Variants in GRID2 observed in about 807,000 individuals in gnomAD.
GRID2 encodes the protein glutamate ionotropic receptor delta type subunit 2, also known as glutamate receptor ionotropic, delta-2.
GRID2 carries 33 observed loss-of-function variants against 114.8 expected under a neutral mutation model. That is an observed-to-expected ratio of 0.29 (90% CI 0.22 to 0.38). The LOEUF (loss-of-function observed/expected upper bound fraction) is 0.38, where lower values mean the gene tolerates loss of function less well. Ranked by LOEUF, GRID2 falls within the 10% of genes least tolerant of loss-of-function variation. GRID2 has a pLI of 1.00. For synonymous variants in GRID2, 505 were observed against 449.9 expected, an observed-to-expected ratio of 1.12 and a Z score of -1.55; for missense variants, 1,184 against 1,257.7, an observed-to-expected ratio of 0.94 and a Z score of 0.89.
At chr4:93,316,517 G>A (rs1259033697) in intron 8 of GRID2, among the ~76,000 whole-genome samples, 3 of 152,114 alleles carry the variant, frequency 2.0e-5, no homozygotes, top group African/African-American at 7.2e-5. Context: ...CCAAACAGGA[G>A]GTTCATTTTA....
intron 2 of GRID2, among the ~76,000 whole-genome samples, chr4:92,623,757 G>A (rs1032719192): frequency 6.6e-6 from 1 of 151,762 alleles, no homozygotes; most frequent in African/African-American, 2.4e-5. Flanking sequence ...TTCTGTTTAT[G>A]TGAAAGGCAG....
intron 1 of GRID2, among the ~76,000 whole-genome samples, chr4:92,387,775 A>C (rs1293398733): frequency 1.3e-5 from 2 of 152,026 alleles, no homozygotes; most frequent in Non-Finnish European, 2.9e-5. Flanking sequence ...GCCTTCCTAA[A>C]ATTTCTTGTT....
intron 2 of GRID2, among the ~76,000 whole-genome samples, chr4:93,057,418 C>G (rs535696135): frequency 1.3e-5 from 2 of 151,916 alleles, no homozygotes; most frequent in Admixed American, 1.3e-4. Flanking sequence ...TTCCAGAATT[C>G]TTTGAATTTT....
chr4:93,577,185 C>G (rs1736505876), intron 13 of GRID2, among the ~76,000 whole-genome samples: 1 of 152,072 alleles, frequency 6.6e-6, no homozygotes, highest in African/African-American at 2.4e-5. Flanking sequence ...CCTCAAATAT[C>G]TTAAAGCCCA....
At chr4:93,233,285 T>G (rs2149504379) in intron 7 of GRID2, among the ~76,000 whole-genome samples, 1 of 152,118 alleles carries the variant, frequency 6.6e-6, no homozygotes. Context: ...TTTCCAAATT[T>G]TATTCAAGGA....
At chr4:93,472,697 T>A (rs993324364) in intron 11 of GRID2, among the ~76,000 whole-genome samples, 2 of 152,134 alleles carry the variant, frequency 1.3e-5, no homozygotes, top group Non-Finnish European at 2.9e-5. Context: ...ATTGCAGACA[T>A]GCTCAGGTAG....
intron 4 of GRID2, among the ~76,000 whole-genome samples, chr4:93,160,969 CA>C (rs1246315381): frequency 1.3e-5 from 2 of 151,652 alleles, no homozygotes; most frequent in East Asian, 3.9e-4. Flanking sequence ...ATAAAATGTC[CA>C]GTTGCAAAAC....
In GRID2 at chr4:93,694,970, G is replaced by C. The variant is rs112043354; in HGVS notation, c.2360+68535G>C. ...GCGGATTGCCTGAGCTCAGGAGTTC[G>C]AGACCAGCCTGGGCAACACAGTGAA... On this transcript the variant is annotated intron_variant, in intron 14 of 15. Transcript: ENST00000282020. Among the ~76,000 whole-genome samples the C allele has an allele frequency of 2.0e-5, 3 of 152,146 alleles. No homozygotes were observed. The South Asian group carries it at 6.2e-4, about 32-fold the overall frequency.
At chr4:92,996,420 G>T (rs1755203398) in intron 2 of GRID2, among the ~76,000 whole-genome samples, 1 of 152,168 alleles carries the variant, frequency 6.6e-6, no homozygotes, top group South Asian at 2.1e-4. Context: ...TCACGTGTGT[G>T]TATATGCATG....
intron 2 of GRID2, among the ~76,000 whole-genome samples, chr4:92,738,364 G>T (rs1360409371): frequency 6.6e-6 from 1 of 151,842 alleles, no homozygotes; most frequent in African/African-American, 2.4e-5. Flanking sequence ...TAGCTTATTC[G>T]CCCCAGAAAA....
intron 1 of GRID2, among the ~76,000 whole-genome samples, chr4:92,576,239 G>C (rs572429642): frequency 2.0e-5 from 3 of 152,336 alleles, no homozygotes; most frequent in South Asian, 2.1e-4. Flanking sequence ...CTCCAGCCAT[G>C]TTCTGGCAAA....
At chr4:93,698,025 TA>T (rs150165791) in intron 14 of GRID2, among the ~76,000 whole-genome samples, 650 of 151,994 alleles carry the variant, frequency 4.3e-3, no homozygotes, top group Non-Finnish European at 7.2e-3. Context: ...GTTTACGGGA[TA>T]TTTTTGGTAA....
chr4:92,760,242 A>G (rs1172003779), intron 2 of GRID2, among the ~76,000 whole-genome samples: 1 of 150,080 alleles, frequency 6.7e-6, no homozygotes, highest in African/African-American at 2.4e-5. Flanking sequence ...TGTCTCAAAA[A>G]AAAAAAAAAA....
At chr4:92,868,066 TTCTGTCTGTCTG>T (rs1194588659) in intron 2 of GRID2, among the ~76,000 whole-genome samples, 2,037 of 123,232 alleles carry the variant, frequency 0.017, 36 homozygotes, top group African/African-American at 0.05. Context: ...CTTTCTTTCT[TTCTGTCTGTCTG>T]TCTGTCTGTC....
intron 14 of GRID2, among the ~76,000 whole-genome samples, chr4:93,630,139 G>T (rs1743112471): frequency 6.6e-6 from 1 of 152,096 alleles, no homozygotes; most frequent in South Asian, 2.1e-4. Flanking sequence ...GCTTCCTTTT[G>T]TGTCCTTTCT....
At chr4:93,281,296 A>AAGGT (rs1752624970) in intron 8 of GRID2, among the ~76,000 whole-genome samples, 1 of 151,886 alleles carries the variant, frequency 6.6e-6, no homozygotes, top group South Asian at 2.1e-4. Context: ...AGCAAATGCT[A>AAGGT]AGGTTCTGCG....
chr4:92,918,258 C>T (rs1219925333), intron 2 of GRID2, among the ~76,000 whole-genome samples: 3 of 152,070 alleles, frequency 2.0e-5, no homozygotes, highest in Admixed American at 1.3e-4. Context: ...TGGGCTGAGA[C>T]GATGGGATTT....
chr4:92,474,474 G>T (rs1487844518), intron 1 of GRID2, among the ~76,000 whole-genome samples: 1 of 152,058 alleles, frequency 6.6e-6, no homozygotes, highest in Non-Finnish European at 1.5e-5. Flanking sequence ...AGCTGCAGTG[G>T]ACATGGGAGT....
chr4:92,787,913 TAGAG>T (rs1184508817), intron 2 of GRID2, among the ~76,000 whole-genome samples: 1 of 151,776 alleles, frequency 6.6e-6, no homozygotes, highest in Admixed American at 6.6e-5. Context: ...TGCAGTGTGT[TAGAG>T]AGAAGAGTGA....
Sources: allele counts gnomAD v4.1 joint callset (sites outside exome capture counted in the v4.1 genomes callset), GRCh38; gene constraint gnomAD v4.1.1; transcripts MANE v1.5; gene names NCBI Gene and HGNC (gene_info 2026-07-23, HGNC 2026-07-21).